Variants in PCDH7 observed in about 807,000 individuals in gnomAD.
PCDH7 encodes protocadherin-7.
PCDH7 carries 17 observed loss-of-function variants against 58.9 expected under a neutral mutation model. That is an observed-to-expected ratio of 0.29 (90% CI 0.20 to 0.43). PCDH7 has a LOEUF of 0.43. PCDH7 is among the 20% of genes least tolerant of loss of function. The pLI is 1.00. For missense variants in PCDH7, 1,274 were observed against 1,441.0 expected (o/e 0.88, Z 1.88); for synonymous variants, 664 against 616.4 (o/e 1.08, Z -1.14).
intron 3 of PCDH7, among the ~76,000 whole-genome samples, chr4:31,136,720 G>T (rs1367132562): frequency 6.6e-6 from 1 of 152,158 alleles, no homozygotes; most frequent in African/African-American, 2.4e-5. Flanking sequence ...ACCGTGAACT[G>T]TGATGTGTTT....
chr4:30,911,293 A>G (rs1219667789), intron 1 of PCDH7, among the ~76,000 whole-genome samples: 1 of 149,086 alleles, frequency 6.7e-6, no homozygotes, highest in Non-Finnish European at 1.5e-5. Context: ...ATGTATCCAG[A>G]ACTTAAGGTA....
chr4:30,724,201 C>T lies in PCDH7; in HGVS notation c.2779C>T (p.Gln927Ter), dbSNP rs1429536318. The T allele has an allele frequency of 6.2e-7, 1 of 1,613,804 alleles. No individual in the cohort carries two copies. The highest frequency in any genetic ancestry group is 8.5e-7 in the Non-Finnish European group (1 of 1,180,018). ...TCACGAAGACTTTTTTACACCCCAA[C>T]AGCATGACAAATCTAAAAAGCCTAA... The change falls in exon 1 of 2, where the codon CAG becomes TAG. Residue 927 changes from glutamine to a stop codon, truncating the protein, a stop_gained. Coordinates refer to ENST00000361762, the Ensembl canonical transcript of PCDH7. LOFTEE classifies it high-confidence loss of function.
At chr4:30,905,499 C>T (rs73214938) in intron 1 of PCDH7, among the ~76,000 whole-genome samples, 12,658 of 151,748 alleles carry the variant, frequency 0.083, 718 homozygotes, top group Non-Finnish European at 0.12. Context: ...TAAAAGAAAC[C>T]TTTGCTTGTA....
At chr4:31,046,014 A>G (rs1756254281) in intron 3 of PCDH7, among the ~76,000 whole-genome samples, 2 of 152,002 alleles carry the variant, frequency 1.3e-5, no homozygotes, top group South Asian at 2.1e-4. Flanking sequence ...ATCTATTTTT[A>G]TGTGAAATGC....
rs1462456625 is a variant in PCDH7, at chr4:30,723,472, A to T, written c.2050A>T (p.Ile684Phe). 2 of 1,613,984 alleles carry T rather than the reference A, an allele frequency of 1.2e-6. No individual in the cohort carries two copies. Among genetic ancestry groups the T allele is most frequent in the Non-Finnish European group, 1.7e-6 (2 of 1,179,980 alleles). ...CCTGTACATAGAGGAGAACAATAAC[A>T]TTTTTTCTATTGAAAATGACACGGG... The change falls in exon 1 of 2, where the codon ATT becomes TTT. Residue 684 changes from isoleucine to phenylalanine, a missense_variant. Transcript: ENST00000361762. The surrounding 1 kb of genome is among the most constrained non-coding windows in gnomAD (Gnocchi z 4.6).
intron 3 of PCDH7, among the ~76,000 whole-genome samples, chr4:31,030,132 T>TG (rs1754771281): frequency 1.3e-5 from 1 of 77,848 alleles, no homozygotes; most frequent in Admixed American, 1.3e-4. Flanking sequence ...CGTGTGTATG[T>TG]TTGTGTGTGT....
intron 3 of PCDH7, among the ~76,000 whole-genome samples, chr4:31,045,099 G>A (rs528801065): frequency 1.3e-4 from 20 of 152,076 alleles, no homozygotes; most frequent in Admixed American, 8.5e-4. Flanking sequence ...TAATTTCAAG[G>A]TAGTTTATTA....
chr4:30,847,884 T>G, intron 1 of PCDH7, among the ~76,000 whole-genome samples: 1 of 152,146 alleles, frequency 6.6e-6, no homozygotes, highest in Admixed American at 6.6e-5. Flanking sequence ...AACCTAGTAA[T>G]ATATCAGTGT....
chr4:31,080,923 G>T (rs1324029287), intron 3 of PCDH7, among the ~76,000 whole-genome samples: 1 of 152,164 alleles, frequency 6.6e-6, no homozygotes, highest in East Asian at 1.9e-4. Context: ...GATTTTATAA[G>T]GGGTTTCCCC....
At chr4:30,803,470 C>T (rs1317976452) in intron 1 of PCDH7, among the ~76,000 whole-genome samples, 6 of 152,028 alleles carry the variant, frequency 3.9e-5, no homozygotes, top group Non-Finnish European at 8.8e-5. Context: ...CAGGGTCTTG[C>T]TCTGTCACCT....
chr4:31,016,860 G>T (rs1264582781), intron 3 of PCDH7, among the ~76,000 whole-genome samples: 1 of 149,746 alleles, frequency 6.7e-6, no homozygotes, highest in African/African-American at 2.5e-5. Flanking sequence ...CTGGGTGTGT[G>T]TGTGTGCTGA....
At chr4:31,085,768 T>A (rs1352123955) in intron 3 of PCDH7, among the ~76,000 whole-genome samples, 1 of 152,142 alleles carries the variant, frequency 6.6e-6, no homozygotes, top group East Asian at 1.9e-4. Flanking sequence ...CATCTTGACT[T>A]AGCAACTGCT....
At chr4:31,001,748 T>A (rs193240143) in intron 3 of PCDH7, among the ~76,000 whole-genome samples, 1 of 152,332 alleles carries the variant, frequency 6.6e-6, no homozygotes, top group East Asian at 1.9e-4. Flanking sequence ...TTTGGAACAG[T>A]TCCTTTTGAT....
intron 1 of PCDH7, among the ~76,000 whole-genome samples, chr4:30,811,206 A>G (rs185943060): frequency 3.7e-4 from 57 of 152,300 alleles, no homozygotes; most frequent in Admixed American, 1.0e-3. Flanking sequence ...TTCCTCTGGG[A>G]TGGCAGTCAG....
chr4:31,061,857 ACATG>A (rs1240575167), intron 3 of PCDH7, among the ~76,000 whole-genome samples: 1 of 151,776 alleles, frequency 6.6e-6, no homozygotes, highest in Non-Finnish European at 1.5e-5. Flanking sequence ...AATTGAGTCA[ACATG>A]GTTAAATTGG....
At chr4:30,975,163 G>GTT (rs1263510142) in intron 3 of PCDH7, among the ~76,000 whole-genome samples, 5 of 151,194 alleles carry the variant, frequency 3.3e-5, no homozygotes, top group African/African-American at 1.2e-4. Flanking sequence ...GTGTGTGTGT[G>GTT]TGTGTGTGTG....
At chr4:30,864,310 A>T (rs1394246471) in intron 1 of PCDH7, among the ~76,000 whole-genome samples, 1 of 152,010 alleles carries the variant, frequency 6.6e-6, no homozygotes, top group Admixed American at 6.6e-5. Flanking sequence ...CATAATAGCA[A>T]TATTAATTGT....
intron 3 of PCDH7, among the ~76,000 whole-genome samples, chr4:31,004,282 C>T (rs1752591428): frequency 1.3e-5 from 2 of 151,980 alleles, no homozygotes; most frequent in African/African-American, 4.8e-5. Context: ...AAACCGAGCC[C>T]CGGCCTGAAA....
At chr4:30,888,726 C>T (rs1738187302) in intron 1 of PCDH7, among the ~76,000 whole-genome samples, 1 of 151,988 alleles carries the variant, frequency 6.6e-6, no homozygotes, top group Non-Finnish European at 1.5e-5. Flanking sequence ...TTCCCGGTAA[C>T]TGGGAAGAGA....
Sources: gnomAD v4.1 joint callset for allele counts (sites outside exome capture counted in the v4.1 genomes callset) on GRCh38, gnomAD v4.1.1 for gene constraint, Gnocchi (gnomAD v3.1) non-coding constraint, MANE v1.5 for transcripts, NCBI Gene and HGNC (gene_info 2026-07-23, HGNC 2026-07-21) for gene names.